Variants in RECQL5 observed in about 807,000 individuals in gnomAD.
The protein encoded by RECQL5 is ATP-dependent DNA helicase Q5.
In RECQL5, 88 loss-of-function variants were observed where a neutral mutation model predicts 103.4. The observed-to-expected ratio is 0.85, with a 90% CI of 0.72 to 1.02. RECQL5 has a LOEUF of 1.02. Ranked by LOEUF, RECQL5 falls within the 50% of genes least tolerant of loss-of-function variation. The pLI is 0.00. For missense variants in RECQL5, 1,232 were observed against 1,284.3 expected (o/e 0.96, Z 0.62); for synonymous variants, 552 against 507.9 (o/e 1.09, Z -1.17).
chr17:75,661,343 A>C (rs1568284514), intron 5 of RECQL5, among the ~76,000 whole-genome samples: 1 of 152,220 alleles, frequency 6.6e-6, no homozygotes, highest in Non-Finnish European at 1.5e-5. Context: ...TCTTCCTACA[A>C]CACCATTACC....
chr17:75,646,514 G>T (rs2059490581), intron 8 of RECQL5: 1 of 152,370 alleles, frequency 6.6e-6, no homozygotes, highest in African/African-American at 2.4e-5. Context: ...GCAGAAAGGA[G>T]CTGAAGGGGG....
chr17:75,652,908 C>T (rs1239260472), intron 7 of RECQL5, among the ~76,000 whole-genome samples: 1 of 152,230 alleles, frequency 6.6e-6, no homozygotes, highest in East Asian at 1.9e-4. Context: ...AAAATCCAAA[C>T]TGTTTTCTCA....
At chr17:75,650,940 G>T in intron 8 of RECQL5, 1 of 1,449,470 alleles carries the variant, frequency 6.9e-7, no homozygotes. Flanking sequence ...TCCCAGAAGA[G>T]GGTGGAGTGG....
rs80180140 is a variant in RECQL5 at position 75,664,110 on chromosome 17, C to T, written c.252+941G>A. On this transcript the variant is annotated intron_variant, in intron 3 of 19. Transcript: ENST00000317905. ...ATTAATGTATGTAAAGCACTTAGCACGAAGCCTGGGACCTGGTGAACATTC... is the reference window on the plus strand; with the variant it reads ...ATTAATGTATGTAAAGCACTTAGCATGAAGCCTGGGACCTGGTGAACATTC... 7.4e-3 allele frequency among the ~76,000 whole-genome samples: 1,110 copies of T among 150,870 alleles called. 8 individuals are homozygous for T. The highest frequency in any genetic ancestry group is 0.026 in the African/African-American group (1,054 of 41,144).
In RECQL5 at chr17:75,665,018, T is replaced by C. The variant is rs1489629954; in HGVS notation, c.252+33A>G. The C allele has an allele frequency of 7.9e-6, 12 of 1,511,848 alleles. 1 individual carries two copies. The South Asian group carries it at 1.4e-4, about 18-fold the overall frequency. The allele number at this position is 1,511,848 out of a possible 1,614,324, so 93.7% of individuals were successfully genotyped here. On this transcript the variant is annotated intron_variant, in intron 3 of 19. Coordinates refer to ENST00000317905, the MANE Select transcript of RECQL5 (RefSeq NM_004259.7). ...CTCAAAAAACCTTCCCCGAATCTTT[T>C]TGGGCTACCATCTTCATTGCCCTAA...
rs752722871 is a variant in RECQL5 at position 75,665,022 on chromosome 17, G to A, written c.252+29C>T. On this transcript the variant is annotated intron_variant, in intron 3 of 19. Transcript: ENST00000317905. ...AAAAACCTTCCCCGAATCTTTTTGG[G>A]CTACCATCTTCATTGCCCTAAGCCT... is the stretch of plus-strand genomic sequence containing the variant. 4.0e-6 allele frequency: 6 copies of A among 1,516,236 alleles called. No homozygotes were observed. The Admixed American group carries it at 9.8e-5, about 25-fold the overall frequency. 93.9% of individuals were successfully genotyped at this position (1,516,236 alleles called of 1,614,324 possible).
Position 75,640,854 on chromosome 17 carries a change from A to G in RECQL5, c.1230-9186T>C. The G allele has an allele frequency of 6.5e-7, 1 of 1,548,846 alleles. No homozygotes were observed. The highest frequency in any genetic ancestry group is 8.7e-7 in the Non-Finnish European group (1 of 1,146,952). ...TGCTGCACTCACTGCTGCTGCCCTG[A>G]GCGGAGAGGCAGGAAGGTCCAGGTG... On this transcript the variant is annotated intron_variant, in intron 8 of 19. Coordinates refer to ENST00000317905, the MANE Select transcript of RECQL5 (RefSeq NM_004259.7). The surrounding 1 kb of genome is among the most constrained non-coding windows in gnomAD (Gnocchi z 4.6).
chr17:75,650,635 G>A, intron 8 of RECQL5: 1 of 1,613,418 alleles, frequency 6.2e-7, no homozygotes, highest in Non-Finnish European at 8.5e-7. Context: ...CTCTCCTGCA[G>A]GCACTCACAG....
intron 8 of RECQL5, chr17:75,647,295 G>T (rs1017832355): frequency 7.7e-7 from 1 of 1,298,800 alleles, no homozygotes. Context: ...GGCTGGAGTC[G>T]GCGGGCAGAG....
chr17:75,662,388 G>C lies in RECQL5; in HGVS notation c.771+91C>G, dbSNP rs540212538. 750 of 1,403,776 alleles carry C rather than the reference G, an allele frequency of 5.3e-4. 1 individual carries two copies. Among genetic ancestry groups the C allele is most frequent in the Middle Eastern group, 1.3e-3 (5 of 3,810 alleles). The allele number at this position is 1,403,776 out of a possible 1,614,324, so 87.0% of individuals were successfully genotyped here. A position where few individuals can be genotyped will look rare whatever the true frequency, so the allele number is the denominator to read the frequency against. Reference sequence around the variant, plus strand: ...TTAGGAAGCCTGGCTGAGAAAGCTAGAAAAACCAAAGGTCTTAGACTAATC... The same window carrying C: ...TTAGGAAGCCTGGCTGAGAAAGCTACAAAAACCAAAGGTCTTAGACTAATC... On this transcript the variant is annotated intron_variant, in intron 4 of 19. Coordinates refer to ENST00000317905, the MANE Select transcript of RECQL5 (RefSeq NM_004259.7).
chr17:75,651,048 C>T, intron 8 of RECQL5, 138 bp downstream of exon 8: 1 of 1,568,740 alleles, frequency 6.4e-7, no homozygotes, highest in Non-Finnish European at 8.6e-7. Flanking sequence ...TTCCACACTG[C>T]CCGACACAAC....
At position 75,627,880 on chromosome 17, in the gene RECQL5, G is replaced by A. The variant is rs191787507; in HGVS notation, c.2806-188C>T. On this transcript the variant is annotated intron_variant, in intron 18 of 19. Transcript: ENST00000317905. ...TAAAAATACCAAAAATTAGCCAGGC[G>A]TGGTGGCGGGTGCCTGTAGTCCCAG... Among the ~76,000 whole-genome samples, 36 of 152,246 alleles carry A rather than the reference G, an allele frequency of 2.4e-4. No individual in the cohort carries two copies. The East Asian group carries it at 6.6e-3, about 28-fold the overall frequency.
intron 8 of RECQL5, among the ~76,000 whole-genome samples, chr17:75,642,561 A>G (rs1436299306): frequency 6.6e-6 from 1 of 152,214 alleles, no homozygotes; most frequent in African/African-American, 2.4e-5. Flanking sequence ...TTCATACAAA[A>G]GAAAAGAAAT....
At chr17:75,649,747 C>G in intron 8 of RECQL5, 1 of 985,480 alleles carries the variant, frequency 1.0e-6, no homozygotes, top group Middle Eastern at 5.2e-4. Flanking sequence ...AGCCTGCTGC[C>G]TGGATTTCAG....
At position 75,628,203 on chromosome 17, in the gene RECQL5, A is replaced by G. The variant is rs2059139013; in HGVS notation, c.2805+15T>C. ...CCAGGCATGGGAGAAGGCAGAGCCC[A>G]CTCACTCCCCCTACCTTGGAAGCAA... On this transcript the variant is annotated intron_variant, in intron 18 of 19. Transcript: ENST00000317905. 1.2e-6 allele frequency: 2 copies of G among 1,602,472 alleles called. No homozygotes were observed. The highest frequency in any genetic ancestry group is 8.5e-7 in the Non-Finnish European group (1 of 1,169,806).
intron 7 of RECQL5, among the ~76,000 whole-genome samples, chr17:75,657,974 G>A (rs1298789091): frequency 1.3e-5 from 2 of 152,072 alleles, no homozygotes; most frequent in Admixed American, 1.3e-4. Context: ...CTTGAACCCG[G>A]GAGGCGGAGG....
chr17:75,655,192 C>T (rs1199139035), intron 7 of RECQL5, among the ~76,000 whole-genome samples: 1 of 152,188 alleles, frequency 6.6e-6, no homozygotes, highest in Non-Finnish European at 1.5e-5. Flanking sequence ...CTACTTCAGC[C>T]TCCCGAGTAA....
chr17:75,655,018 T>C (rs2059598635), intron 7 of RECQL5, among the ~76,000 whole-genome samples: 1 of 152,186 alleles, frequency 6.6e-6, no homozygotes, highest in African/African-American at 2.4e-5. Context: ...CTCAAACTCC[T>C]GGCCTCAAGA....
chr17:75,656,882 C>T (rs911883031), intron 7 of RECQL5, among the ~76,000 whole-genome samples: 5 of 151,822 alleles, frequency 3.3e-5, no homozygotes, highest in Admixed American at 6.6e-5. Context: ...GTAGCTGGGA[C>T]TACAGGCGCC....
Sources: allele counts gnomAD v4.1 joint callset (sites outside exome capture counted in the v4.1 genomes callset), GRCh38; gene constraint gnomAD v4.1.1; non-coding constraint Gnocchi (gnomAD v3.1); transcripts MANE v1.5; gene names NCBI Gene and HGNC (gene_info 2026-07-23, HGNC 2026-07-21).